The following CDC25C variants were observed in gnomAD, a reference collection of about 807,000 sequenced individuals.
CDC25C encodes cell division cycle 25C.
CDC25C carries 48 observed loss-of-function variants against 52.5 expected under a neutral mutation model. The ratio of observed to expected loss-of-function variants is 0.91; its 90% confidence interval spans 0.72 to 1.16. The LOEUF (loss-of-function observed/expected upper bound fraction) is 1.16, where lower values mean the gene tolerates loss of function less well. Ranked by LOEUF, CDC25C falls within the 50% of genes most tolerant of loss-of-function variation. The probability of loss-of-function intolerance (pLI) is 0.00; values close to 1 mark genes in which losing one functional copy is unlikely to be tolerated. For missense variants in CDC25C, 510 were observed against 566.1 expected, an observed-to-expected ratio of 0.90 and a Z score of 1.01; for synonymous variants, 187 against 206.5, an observed-to-expected ratio of 0.91 and a Z score of 0.81.
chr5:138,306,855 C>G (rs1325271165), intron 7 of CDC25C, among the ~76,000 whole-genome samples: 1 of 144,530 alleles, frequency 6.9e-6, no homozygotes, highest in Non-Finnish European at 1.5e-5. Flanking sequence ...TTTTTTTTTT[C>G]CTTTTTGAGA....
At chr5:138,319,681 ACT>A (rs967392369) in intron 6 of CDC25C, among the ~76,000 whole-genome samples, 1 of 152,202 alleles carries the variant, frequency 6.6e-6, no homozygotes, top group Non-Finnish European at 1.5e-5. Context: ...TATATAAGGA[ACT>A]CCTACAACTC....
intron 7 of CDC25C, among the ~76,000 whole-genome samples, chr5:138,305,133 T>C (rs1317145652): frequency 6.6e-6 from 1 of 152,202 alleles, no homozygotes; most frequent in Admixed American, 6.5e-5. Flanking sequence ...TCTACTCTTG[T>C]CATATATGAT....
chr5:138,323,831 G>A (rs1480928569), intron 6 of CDC25C, among the ~76,000 whole-genome samples: 1 of 151,664 alleles, frequency 6.6e-6, no homozygotes. Context: ...GGTGCCACAC[G>A]CCTGTAGTCC....
chr5:138,324,628 C>T (rs562129257), intron 6 of CDC25C, among the ~76,000 whole-genome samples: 18 of 151,666 alleles, frequency 1.2e-4, no homozygotes, highest in East Asian at 7.8e-4. Context: ...TGTGGTGGCA[C>T]GCACCTGTAA....
intron 3 of CDC25C, chr5:138,328,767 C>T (rs1368508222): frequency 8.2e-6 from 3 of 364,940 alleles, no homozygotes; most frequent in Non-Finnish European, 1.5e-5. Flanking sequence ...ACTATGCTAC[C>T]TATGGAGTTT....
chr5:138,290,566 A>G, intron 9 of CDC25C, 73 bp downstream of exon 9: 1 of 863,068 alleles, frequency 1.2e-6, no homozygotes, highest in Non-Finnish European at 2.0e-6. Context: ...TACACCAGGC[A>G]TTCTCGGCAA....
At chr5:138,306,488 T>C (rs930107006) in intron 7 of CDC25C, among the ~76,000 whole-genome samples, 2 of 152,064 alleles carry the variant, frequency 1.3e-5, no homozygotes, top group African/African-American at 4.8e-5. Context: ...ATTATTATTA[T>C]ATTTTGAGAC....
intron 6 of CDC25C, among the ~76,000 whole-genome samples, chr5:138,323,661 T>A (rs903707841): frequency 5.3e-5 from 8 of 151,732 alleles, no homozygotes; most frequent in East Asian, 3.9e-4. Flanking sequence ...AGTAATTTTT[T>A]AAAAAATTCC....
At chr5:138,326,143 A>G in intron 4 of CDC25C, 89 bp from the exon 5 acceptor site, 3 of 1,367,512 alleles carry the variant, frequency 2.2e-6, no homozygotes, top group East Asian at 2.3e-5. Flanking sequence ...ACATTTTTCT[A>G]TTTCATTCTA....
At chr5:138,313,963 TTTTC>T (rs55833555) in intron 7 of CDC25C, among the ~76,000 whole-genome samples, 1,196 of 106,334 alleles carry the variant, frequency 0.011, 16 homozygotes, top group African/African-American at 0.03. Context: ...CTATGTCCCT[TTTTC>T]TTTCTTTCTT....
intron 7 of CDC25C, among the ~76,000 whole-genome samples, chr5:138,318,055 G>A (rs867868793): frequency 2.0e-5 from 3 of 152,040 alleles, no homozygotes; most frequent in Non-Finnish European, 2.9e-5. Flanking sequence ...TACGCCAGGC[G>A]TGGTGGCTCA....
chr5:138,329,705 C>CA (rs1760189400), intron 2 of CDC25C, 58 bp from the exon 3 acceptor site: 1 of 658,992 alleles, frequency 1.5e-6, no homozygotes, highest in Admixed American at 2.3e-5. Context: ...CCTTAAAAGT[C>CA]AAAGATCATG....
At chr5:138,318,339 G>T (rs11567978) in intron 7 of CDC25C, among the ~76,000 whole-genome samples, 6 of 151,306 alleles carry the variant, frequency 4.0e-5, no homozygotes, top group African/African-American at 1.5e-4. Context: ...ATAAAGATAG[G>T]TTATCACATC....
chr5:138,286,728 C>A, intron 11 of CDC25C, 98 bp from the exon 12 acceptor site: 1 of 1,177,010 alleles, frequency 8.5e-7, no homozygotes. Flanking sequence ...TAATGTGGAC[C>A]AGAAAAGCTG....
At chr5:138,321,624 C>T (rs1343499603) in intron 6 of CDC25C, among the ~76,000 whole-genome samples, 5 of 151,616 alleles carry the variant, frequency 3.3e-5, no homozygotes, top group East Asian at 2.0e-4. Context: ...TGGTGGTGCA[C>T]GCCTATAGTC....
At chr5:138,323,180 C>T (rs1759576407) in intron 6 of CDC25C, among the ~76,000 whole-genome samples, 1 of 152,200 alleles carries the variant, frequency 6.6e-6, no homozygotes, top group Admixed American at 6.5e-5. Context: ...ATCCACCTGC[C>T]TCAGCCTCCC....
At chr5:138,306,909 T>A (rs1242623043) in intron 7 of CDC25C, among the ~76,000 whole-genome samples, 2 of 151,938 alleles carry the variant, frequency 1.3e-5, no homozygotes, top group African/African-American at 2.4e-5. Flanking sequence ...AGCGGCACGA[T>A]CTCAGCTCAC....
At chr5:138,336,072 A>G (rs1297995198), upstream of CDC25C, among the ~76,000 whole-genome samples, 1 of 151,482 alleles carries the variant, frequency 6.6e-6, no homozygotes, top group Non-Finnish European at 1.5e-5. Context: ...TATATATCAA[A>G]GTATGTAGGT....
intron 6 of CDC25C, among the ~76,000 whole-genome samples, chr5:138,321,750 CAAAAAAAAAAAAAAAA>C (rs531353746): frequency 1.5e-4 from 7 of 47,170 alleles, no homozygotes; most frequent in African/African-American, 6.5e-4. Flanking sequence ...GACTCTGTCT[CAAAAAAAAAAAAAAAA>C]AAAAAAAAAA....
Sources: allele counts gnomAD v4.1 joint callset (sites outside exome capture counted in the v4.1 genomes callset), GRCh38; gene constraint gnomAD v4.1.1; transcripts MANE v1.5; gene names NCBI Gene and HGNC (gene_info 2026-07-23, HGNC 2026-07-21).